The following ISL1 variants were observed in gnomAD, a reference collection of about 807,000 sequenced individuals.
ISL1 encodes ISL LIM homeobox 1.
Under a neutral mutation model 35.3 loss-of-function variants are expected in ISL1, and 4 were observed. The ratio of observed to expected loss-of-function variants is 0.11; its 90% CI spans 0.06 to 0.26. The LOEUF is 0.26. ISL1 is among the 10% of genes least tolerant of loss of function. The probability of loss-of-function intolerance (pLI) is 1.00; values close to 1 mark genes in which losing one functional copy is unlikely to be tolerated. For synonymous variants in ISL1, 186 were observed against 172.3 expected (o/e 1.08, Z -0.62); for missense variants, 340 against 472.8 (o/e 0.72, Z 2.60).
Position 51,389,833 on chromosome 5 carries a change from C to T in ISL1, c.666C>T (p.Pro222=). The T allele has an allele frequency of 6.2e-7, 1 of 1,614,222 alleles. No homozygotes were observed. Among genetic ancestry groups the T allele is most frequent in the Non-Finnish European group, 8.5e-7 (1 of 1,180,032 alleles). ...EQLVEMTGLS[P]RVIRVWFQNK... is the part of the protein sequence containing the mutation. ...TGGTAGAGATGACGGGCCTCAGTCC[C>T]CGTGTGATCCGGGTCTGGTTTCAAA... Residue 222 remains proline (P), a synonymous_variant, in exon 4 of 6, where the codon CCC becomes CCT. Coordinates refer to ENST00000230658, the MANE Select transcript of ISL1 (RefSeq NM_002202.3). The surrounding 1 kb of genome is among the most constrained non-coding windows in gnomAD (Gnocchi z 5.0).
chr5:51,387,421 A>C lies in ISL1; in HGVS notation c.219-69A>C, dbSNP rs1195140347. ...CTTGGGCCAGGGAAGTGCCGGCCTGAAGTGACCCCCTCTTCCTGTACTTCT... is the reference window on the plus strand; with the variant it reads ...CTTGGGCCAGGGAAGTGCCGGCCTGCAGTGACCCCCTCTTCCTGTACTTCT... On this transcript the variant is annotated intron_variant, in intron 2 of 5. Coordinates refer to ENST00000230658, the MANE Select transcript of ISL1 (RefSeq NM_002202.3). The surrounding 1 kb of genome is among the most constrained non-coding windows in gnomAD (Gnocchi z 4.3). 5 of 1,559,038 alleles carry C rather than the reference A, an allele frequency of 3.2e-6. No individual in the cohort carries two copies. The East Asian group carries it at 1.2e-4, about 36-fold the overall frequency.
At chr5:51,392,745 A>G (rs918872322) in intron 5 of ISL1, among the ~76,000 whole-genome samples, 1 of 152,212 alleles carries the variant, frequency 6.6e-6, no homozygotes, top group African/African-American at 2.4e-5. Flanking sequence ...TTAGTGTCAG[A>G]TGAGAGCAGT....
rs763249886 is a variant in ISL1 at position 51,389,682 on chromosome 5, C to T, written c.515C>T (p.Pro172Leu). ...TCCGCCAGGCAGCCAGCCCTGCGGC[C>T]CCACGTCCACAAGCAGCCGGAGAAG... ...PISARQPALR[P>L]HVHKQPEKTT... The change falls in exon 4 of 6, where the codon CCC (proline) becomes CTC (leucine). Residue 172 changes from proline to leucine, a missense_variant. Physicochemically the swap from Pro to Leu is moderately conservative, Grantham distance 98. Transcript: ENST00000230658. The surrounding 1 kb of genome is among the most constrained non-coding windows in gnomAD (Gnocchi z 5.0). 1 of 1,612,586 alleles carries T rather than the reference C, an allele frequency of 6.2e-7. No homozygotes were observed. Among genetic ancestry groups the T allele is most frequent in the East Asian group, 2.2e-5 (1 of 44,830 alleles).
chr5:51,387,857 C>A lies in ISL1; in HGVS notation c.478+108C>A. On this transcript the variant is annotated intron_variant, in intron 3 of 5. Transcript: ENST00000230658. The surrounding 1 kb of genome is among the most constrained non-coding windows in gnomAD (Gnocchi z 4.3). ...CAGGGGTGGTCGTAGTGTTTGCCTGCAGTTAAATGAAGTGTTCTGTATGCA... is the reference window on the plus strand; with the variant it reads ...CAGGGGTGGTCGTAGTGTTTGCCTGAAGTTAAATGAAGTGTTCTGTATGCA... 8 of 1,420,176 alleles carry A rather than the reference C, an allele frequency of 5.6e-6. No individual in the cohort carries two copies. The highest frequency in any genetic ancestry group is 6.8e-6 in the Non-Finnish European group (7 of 1,035,972). 88.0% of individuals were successfully genotyped at this position (1,420,176 alleles called of 1,614,324 possible).
At chr5:51,385,881 T>C (rs1318700981) in intron 2 of ISL1, among the ~76,000 whole-genome samples, 2 of 152,224 alleles carry the variant, frequency 1.3e-5, no homozygotes, top group Non-Finnish European at 2.9e-5. Context: ...AGATTTAATA[T>C]ACAGTCACAG....
At chr5:51,392,410 T>G (rs1747538308) in intron 5 of ISL1, among the ~76,000 whole-genome samples, 1 of 152,192 alleles carries the variant, frequency 6.6e-6, no homozygotes, top group Admixed American at 6.5e-5. Flanking sequence ...GAAGCTTTAG[T>G]TGAGGTTAGC....
Position 51,389,548 on chromosome 5 carries a change from G to C in ISL1, c.479-98G>C. The C allele has an allele frequency of 8.8e-7, 1 of 1,131,688 alleles. No individual in the cohort carries two copies. Among genetic ancestry groups the C allele is most frequent in the Non-Finnish European group, 1.2e-6 (1 of 864,982 alleles). The allele number at this position is 1,131,688 out of a possible 1,614,324, so 70.1% of individuals were successfully genotyped here. Reference sequence around the variant, plus strand: ...GGGCGGGCGAGCAAGTAAGCGGGCGGGCGGGCGGGCAAGCGAGCGAGCGAG... The same window carrying C: ...GGGCGGGCGAGCAAGTAAGCGGGCGCGCGGGCGGGCAAGCGAGCGAGCGAG... On this transcript the variant is annotated intron_variant, in intron 3 of 5. Transcript: ENST00000230658. The surrounding 1 kb of genome is among the most constrained non-coding windows in gnomAD (Gnocchi z 5.0).
At position 51,389,947 on chromosome 5, in the gene ISL1, G is replaced by T; in HGVS notation, c.765+15G>T. 2 of 1,612,098 alleles carry T rather than the reference G, an allele frequency of 1.2e-6. No individual in the cohort carries two copies. Among genetic ancestry groups the T allele is most frequent in the South Asian group, 1.1e-5 (1 of 91,040 alleles). ...ATGACAAAACTGTGAGTGGCTCTGG[G>T]GCCGGGCAGGGAATGCGAGGGGGAA... On this transcript the variant is annotated intron_variant, in intron 4 of 5. Transcript: ENST00000230658. The surrounding 1 kb of genome is among the most constrained non-coding windows in gnomAD (Gnocchi z 5.0).
chr5:51,394,547 A>T lies in ISL1; in HGVS notation c.*937A>T, dbSNP rs1193159869. ...GACTTGCCACTTTTCATGTCATTTG[A>T]CATTTTTTGTTTGCTGAAGTGAAAA... On this transcript the variant is annotated 3_prime_UTR_variant, in exon 6 of 6. Transcript: ENST00000230658. 1 of 152,502 alleles carries T rather than the reference A, an allele frequency of 6.6e-6. No individual in the cohort carries two copies. The allele number at this position is 152,502 out of a possible 1,614,324, so 9.4% of individuals were successfully genotyped here.
chr5:51,393,550 A>G lies in ISL1; in HGVS notation c.990A>G (p.Ser330=). 1 of 1,614,056 alleles carries G rather than the reference A, an allele frequency of 6.2e-7. No homozygotes were observed. Among genetic ancestry groups the G allele is most frequent in the South Asian group, 1.1e-5 (1 of 91,078 alleles). ...GSNSTGSEVA[S]MSSQLPDTPN... ...ATTCCACTGGCAGTGAAGTAGCATC[A>G]ATGTCCTCTCAACTTCCAGATACAC... Residue 330 remains serine (S), a synonymous_variant, in exon 6 of 6, where the codon TCA becomes TCG. Coordinates refer to ENST00000230658, the MANE Select transcript of ISL1 (RefSeq NM_002202.3).
intron 4 of ISL1, among the ~76,000 whole-genome samples, chr5:51,390,460 G>A (rs1160501017): frequency 6.6e-6 from 1 of 151,940 alleles, no homozygotes; most frequent in Non-Finnish European, 1.5e-5. Context: ...GTTCCCCCAA[G>A]GTGACCCGCA....
chr5:51,394,454 A>AG lies in ISL1; in HGVS notation c.*844_*845insG, dbSNP rs1554037984. On this transcript the variant is annotated 3_prime_UTR_variant, in exon 6 of 6. Transcript: ENST00000230658. The stretch of plus-strand genomic sequence containing the variant: ...TATGGAAATAAAAAGGAAAAAAAAA[A>AG]AGGAAACTTTTTTTGTTTGCTCTTG... 1.3e-5 allele frequency: 2 copies of AG among 152,376 alleles called. No homozygotes were observed. The highest frequency in any genetic ancestry group is 4.8e-5 in the African/African-American group (2 of 41,344). The allele number at this position is 152,376 out of a possible 1,614,324, so 9.4% of individuals were successfully genotyped here.
Position 51,391,300 on chromosome 5 carries a change from C to T in ISL1, c.792C>T (p.Pro264=). ...ATATCCAGGGGATGACAGGAACTCC[C>T]ATGGTGGCTGCCAGTCCAGAGAGAC... ...KTNIQGMTGT[P]MVAASPERHD... Residue 264 remains proline (P), a synonymous_variant, in exon 5 of 6, where the codon CCC becomes CCT. Coordinates refer to ENST00000230658, the MANE Select transcript of ISL1 (RefSeq NM_002202.3). The T allele has an allele frequency of 1.2e-6, 2 of 1,613,080 alleles. No individual in the cohort carries two copies. The highest frequency in any genetic ancestry group is 1.7e-6 in the Non-Finnish European group (2 of 1,179,982).
rs1035604360 is a variant in ISL1, at chr5:51,394,593, G to A, written c.*983G>A. The A allele has an allele frequency of 6.6e-6, 1 of 152,388 alleles. No individual in the cohort carries two copies. Among genetic ancestry groups the A allele is most frequent in the Admixed American group, 6.5e-5 (1 of 15,268 alleles). The allele number at this position is 152,388 out of a possible 1,614,324, so 9.4% of individuals were successfully genotyped here. Reference sequence around the variant, plus strand: ...GAAAAAAAAAGATAAAGGTTGTACGGTGGTCTTTGAATTATATGTCTAATT... The same window carrying A: ...GAAAAAAAAAGATAAAGGTTGTACGATGGTCTTTGAATTATATGTCTAATT... On this transcript the variant is annotated 3_prime_UTR_variant, in exon 6 of 6. Transcript: ENST00000230658.
Position 51,389,707 on chromosome 5 carries a change from G to A in ISL1, c.540G>A (p.Lys180=), listed in dbSNP as rs980494951. The A allele has an allele frequency of 2.5e-6, 4 of 1,613,684 alleles. No homozygotes were observed. Among genetic ancestry groups the A allele is most frequent in the Non-Finnish European group, 2.5e-6 (3 of 1,180,020 alleles). ...LRPHVHKQPE[K]TTRVRTVLNE... ...CCCACGTCCACAAGCAGCCGGAGAA[G>A]ACCACCCGCGTGCGGACTGTGCTGA... is the stretch of plus-strand genomic sequence containing the variant. The change falls in exon 4 of 6, where the codon AAG becomes AAA. Residue 180 remains lysine, a synonymous_variant. Transcript: ENST00000230658. The surrounding 1 kb of genome is among the most constrained non-coding windows in gnomAD (Gnocchi z 5.0).
At chr5:51,384,271 G>T (rs1747286045) in intron 1 of ISL1, among the ~76,000 whole-genome samples, 1 of 150,826 alleles carries the variant, frequency 6.6e-6, no homozygotes, top group Non-Finnish European at 1.5e-5. Context: ...CAAAATGAGC[G>T]GGTTTGATTG....
chr5:51,389,506 A>G lies in ISL1; in HGVS notation c.479-140A>G. On this transcript the variant is annotated intron_variant, in intron 3 of 5. Transcript: ENST00000230658. The surrounding 1 kb of genome is among the most constrained non-coding windows in gnomAD (Gnocchi z 5.0). ...TGTGCTGAGGCTGCAAACCCTAGCC[A>G]TTGTCCTGAGTATCTCGGGCGGGCG... 3.0e-6 allele frequency: 2 copies of G among 673,146 alleles called. No individual in the cohort carries two copies. The highest frequency in any genetic ancestry group is 4.2e-6 in the Non-Finnish European group (2 of 474,092). The allele number at this position is 673,146 out of a possible 1,614,324, so 41.7% of individuals were successfully genotyped here.
In ISL1 at chr5:51,394,581, A is replaced by T. The variant is rs551773344; in HGVS notation, c.*971A>T. ...GTTTGCTGAAGTGAAAAAAAAAGAT[A>T]AAGGTTGTACGGTGGTCTTTGAATT... On this transcript the variant is annotated 3_prime_UTR_variant, in exon 6 of 6. Transcript: ENST00000230658. The T allele has an allele frequency of 9.2e-5, 14 of 152,604 alleles. No homozygotes were observed. Among genetic ancestry groups the T allele is most frequent in the Non-Finnish European group, 1.5e-5 (1 of 68,036 alleles). The allele number at this position is 152,604 out of a possible 1,614,324, so 9.5% of individuals were successfully genotyped here.
Position 51,387,145 on chromosome 5 carries a change from G to C in ISL1, c.219-345G>C, listed in dbSNP as rs1360277922. Among the ~76,000 whole-genome samples the C allele has an allele frequency of 6.6e-6, 1 of 152,116 alleles. No individual in the cohort carries two copies. The highest frequency in any genetic ancestry group is 1.5e-5 in the Non-Finnish European group (1 of 68,036). ...ACTGGGATTGATTGCTAGAGCAGCAGCCCGAGTTTGGAACCCATCAATACA... is the reference window on the plus strand; with the variant it reads ...ACTGGGATTGATTGCTAGAGCAGCACCCCGAGTTTGGAACCCATCAATACA... On this transcript the variant is annotated intron_variant, in intron 2 of 5. Transcript: ENST00000230658. The surrounding 1 kb of genome is among the most constrained non-coding windows in gnomAD (Gnocchi z 4.3).
Sources: allele counts gnomAD v4.1 joint callset (sites outside exome capture counted in the v4.1 genomes callset), GRCh38; gene constraint gnomAD v4.1.1; non-coding constraint Gnocchi (gnomAD v3.1); transcripts MANE v1.5; gene names NCBI Gene and HGNC (gene_info 2026-07-23, HGNC 2026-07-21).